The following PALLD variants were observed in gnomAD, a reference collection of about 807,000 sequenced individuals.
The protein encoded by PALLD is palladin, cytoskeletal associated protein.
PALLD carries 61 observed loss-of-function variants against 123.5 expected under a neutral mutation model. That is an observed-to-expected ratio of 0.49 (90% confidence interval 0.40 to 0.61). PALLD has a LOEUF of 0.61. Ranked by LOEUF, PALLD falls within the 20% of genes least tolerant of loss-of-function variation. PALLD has a pLI of 0.00. For missense variants in PALLD, 1,273 were observed against 1,377.0 expected (o/e 0.92, Z 1.20); for synonymous variants, 465 against 496.4 (o/e 0.94, Z 0.84).
chr4:168,685,434 T>C, intron 5 of PALLD, 51 bp from the exon 6 acceptor site: 1 of 1,198,852 alleles, frequency 8.3e-7, no homozygotes, highest in Non-Finnish European at 1.2e-6. Flanking sequence ...AGCCCATCTT[T>C]TAGGCAATTT....
intron 1 of PALLD, among the ~76,000 whole-genome samples, chr4:168,507,852 T>C (rs1762153653): frequency 6.6e-6 from 1 of 152,204 alleles, no homozygotes; most frequent in Non-Finnish European, 1.5e-5. Context: ...CATCTCCAGA[T>C]AGATTTCTGT....
chr4:168,640,073 C>T (rs867841682), intron 2 of PALLD, among the ~76,000 whole-genome samples: 12 of 152,294 alleles, frequency 7.9e-5, no homozygotes, highest in African/African-American at 2.6e-4. Flanking sequence ...GAGAAAGTGA[C>T]GATGACCTCA....
At chr4:168,845,120 C>G (rs757492150) in intron 10 of PALLD, among the ~76,000 whole-genome samples, 1 of 152,030 alleles carries the variant, frequency 6.6e-6, no homozygotes, top group African/African-American at 2.4e-5. Context: ...TAGAGAGGCA[C>G]CGGAGCAGAG....
At chr4:168,917,313 G>T (rs956952724) in intron 17 of PALLD, among the ~76,000 whole-genome samples, 2 of 152,164 alleles carry the variant, frequency 1.3e-5, no homozygotes, top group Admixed American at 6.5e-5. Context: ...CTTCCAAAGT[G>T]CTGGGATTAC....
chr4:168,565,844 AT>A (rs942535860), intron 2 of PALLD, among the ~76,000 whole-genome samples: 3 of 152,154 alleles, frequency 2.0e-5, no homozygotes, highest in African/African-American at 7.2e-5. Flanking sequence ...TCCTTGTCAT[AT>A]TTTTTTAATG....
At chr4:168,703,073 A>C (rs367562686) in intron 8 of PALLD, among the ~76,000 whole-genome samples, 17,476 of 108,292 alleles carry the variant, frequency 0.16, 1,645 homozygotes, top group African/African-American at 0.29. Context: ...CCCACCCCAC[A>C]ACAGTCCCCA....
chr4:168,530,639 T>C lies in PALLD; in HGVS notation c.908+18227T>C, dbSNP rs1449944573. ...CAGATGTAAAACTGCACTGTCTCTT[T>C]GAGTTCACATTTAGCAATTTTTTAT... On this transcript the variant is annotated intron_variant, in intron 2 of 21. Transcript: ENST00000505667. 4 of 152,238 alleles carry C rather than the reference T, an allele frequency of 2.6e-5. No homozygotes were observed. In the South Asian group the frequency reaches 8.3e-4, roughly 31 times the overall value. 9.4% of individuals were successfully genotyped at this position (152,238 alleles called of 1,614,324 possible).
At chr4:168,711,484 C>T in intron 9 of PALLD, 97 bp from the exon 10 acceptor site, 2 of 915,850 alleles carry the variant, frequency 2.2e-6, no homozygotes, top group East Asian at 2.4e-5. Flanking sequence ...AACAACTTCA[C>T]ACAACACAGG....
intron 12 of PALLD, among the ~76,000 whole-genome samples, chr4:168,895,397 T>A (rs551827332): frequency 1.2e-4 from 19 of 152,188 alleles, no homozygotes; most frequent in African/African-American, 4.6e-4. Context: ...AAAACAAAAC[T>A]AAAAACACAT....
intron 10 of PALLD, among the ~76,000 whole-genome samples, chr4:168,805,452 G>A (rs563249512): frequency 1.3e-5 from 2 of 152,194 alleles, no homozygotes; most frequent in South Asian, 4.2e-4. Flanking sequence ...CTCATTTAAG[G>A]CCCAAAGCAG....
intron 2 of PALLD, among the ~76,000 whole-genome samples, chr4:168,602,497 T>C (rs965469428): frequency 1.3e-5 from 2 of 152,134 alleles, no homozygotes; most frequent in African/African-American, 4.8e-5. Context: ...GTTCCATTAA[T>C]TAGATGAAGC....
At position 168,512,406 on chromosome 4, in the gene PALLD, G is replaced by T. The variant is rs370466913; in HGVS notation, c.902G>T (p.Arg301Leu). The T allele has an allele frequency of 1.2e-6, 2 of 1,612,802 alleles. No individual in the cohort carries two copies. The highest frequency in any genetic ancestry group is 2.2e-5 in the South Asian group (2 of 91,056). ...ECRVTGNPTP[R>L]VRWFCEGKEL... is the part of the protein sequence containing the mutation. ...AGAGTCACTGGAAACCCCACTCCTC[G>T]AGTCAGGTATGAATTTTTGTATTAT... Residue 301 changes from arginine to leucine, a missense_variant, in exon 2 of 22, where the codon CGA becomes CTA. By Grantham distance (102) the Arg-to-Leu change is moderately radical. This residue lies in a region of PALLD where 944 missense variants were observed against 954.5 expected (regional missense o/e 0.99). Coordinates refer to ENST00000505667, the MANE Select transcript of PALLD (RefSeq NM_001166108.2).
At chr4:168,921,513 T>A in intron 17 of PALLD, 21 bp from the exon 18 acceptor site, 1 of 1,516,826 alleles carries the variant, frequency 6.6e-7, no homozygotes, top group Non-Finnish European at 9.0e-7. Flanking sequence ...AAAATTTACA[T>A]GTATTTCTTT....
At chr4:168,836,470 T>C (rs1231472012) in intron 10 of PALLD, among the ~76,000 whole-genome samples, 6 of 152,078 alleles carry the variant, frequency 3.9e-5, no homozygotes, top group Admixed American at 1.3e-4. Context: ...CATAAGAAAA[T>C]GCATGAAACC....
chr4:168,919,552 C>T (rs1760996677), intron 17 of PALLD, among the ~76,000 whole-genome samples: 2 of 151,042 alleles, frequency 1.3e-5, no homozygotes. Context: ...AAAACCTTGC[C>T]ACATGTACAG....
intron 10 of PALLD, among the ~76,000 whole-genome samples, chr4:168,816,214 C>T (rs1333916526): frequency 6.6e-6 from 1 of 152,062 alleles, no homozygotes; most frequent in African/African-American, 2.4e-5. Context: ...TCCTCACTCA[C>T]ATCTGAGCAG....
chr4:168,701,737 GATGATTCAAGGTTGA>G (rs1163904987), intron 8 of PALLD, among the ~76,000 whole-genome samples: 1 of 152,198 alleles, frequency 6.6e-6, no homozygotes, highest in East Asian at 1.9e-4. Flanking sequence ...TCCAGGTGTA[GATGATTCAAGGTTGA>G]GAGAAGTGCT....
At chr4:168,808,255 C>T (rs759647457) in intron 10 of PALLD, among the ~76,000 whole-genome samples, 4 of 151,328 alleles carry the variant, frequency 2.6e-5, no homozygotes, top group South Asian at 2.1e-4. Context: ...CTGAGGTGGG[C>T]GGATCACAAG....
In PALLD at chr4:168,783,966, C is replaced by T. The variant is rs76318946; in HGVS notation, c.1964+72043C>T. Among the ~76,000 whole-genome samples, 1,319 of 152,184 alleles carry T rather than the reference C, an allele frequency of 8.7e-3. 19 individuals carry two copies. The highest frequency in any genetic ancestry group is 0.028 in the African/African-American group (1,148 of 41,506). On this transcript the variant is annotated intron_variant, in intron 10 of 21. Transcript: ENST00000505667. ...GAATGTAAAAGGTAACTCCTGAGGC[C>T]AGGCACTGTGGTTCACGTCTATAAT...
Sources: allele counts gnomAD v4.1 joint callset (sites outside exome capture counted in the v4.1 genomes callset), GRCh38; gene constraint gnomAD v4.1.1; regional missense constraint gnomAD v4.1.1; transcripts MANE v1.5; gene names NCBI Gene and HGNC (gene_info 2026-07-23, HGNC 2026-07-21).